Variants in CSMD1 observed in about 807,000 individuals in gnomAD.
CSMD1 encodes the protein CUB and sushi domain-containing protein 1.
In CSMD1, 213 loss-of-function variants were observed where a neutral mutation model predicts 417.5. The ratio of observed to expected loss-of-function variants is 0.51; its 90% CI spans 0.46 to 0.57. The LOEUF is 0.57. Ranked by LOEUF, CSMD1 falls within the 20% of genes least tolerant of loss-of-function variation. CSMD1 has a pLI of 0.00. For missense variants in CSMD1, 6,923 were observed against 4,529.7 expected (o/e 1.53, Z -15.17); for synonymous variants, 2,862 against 1,736.8 (o/e 1.65, Z -16.11).
chr8:3,256,066 A>C (rs533245464), intron 26 of CSMD1, among the ~76,000 whole-genome samples: 33 of 152,216 alleles, frequency 2.2e-4, no homozygotes, highest in African/African-American at 7.7e-4. Flanking sequence ...GGTGGCTCAC[A>C]CCTGTAATCC....
chr8:4,331,222 G>A (rs989099721), intron 3 of CSMD1, among the ~76,000 whole-genome samples: 2 of 152,096 alleles, frequency 1.3e-5, no homozygotes, highest in African/African-American at 2.4e-5. Flanking sequence ...CTGCCTCCCA[G>A]GTGAGTCCCT....
At chr8:3,223,913 A>C in intron 27 of CSMD1, 46 bp from the exon 28 acceptor site, 1 of 1,598,874 alleles carries the variant, frequency 6.3e-7, no homozygotes. Flanking sequence ...GACAGCGAAG[A>C]ACGCCTGCCA....
intron 2 of CSMD1, among the ~76,000 whole-genome samples, chr8:4,596,911 T>C (rs1800310864): frequency 1.3e-5 from 2 of 152,322 alleles, no homozygotes; most frequent in East Asian, 3.9e-4. Flanking sequence ...CAAGATCTGA[T>C]GGGTTTATCA....
chr8:3,754,112 C>T, intron 5 of CSMD1, 70 bp from the exon 6 acceptor site: 1 of 920,674 alleles, frequency 1.1e-6, no homozygotes, highest in Non-Finnish European at 1.7e-6. Flanking sequence ...ATCAAACCCG[C>T]TTTGAAATCC....
At chr8:4,059,960 T>C (rs1355319636) in intron 3 of CSMD1, among the ~76,000 whole-genome samples, 1 of 152,080 alleles carries the variant, frequency 6.6e-6, no homozygotes, top group Non-Finnish European at 1.5e-5. Flanking sequence ...AGCATCATCC[T>C]GATACCAAAG....
chr8:3,811,455 T>C (rs1285011432), intron 5 of CSMD1, among the ~76,000 whole-genome samples: 3 of 152,190 alleles, frequency 2.0e-5, no homozygotes, highest in African/African-American at 4.8e-5. Context: ...ATGGATTTTA[T>C]CTAGAATAGA....
intron 3 of CSMD1, among the ~76,000 whole-genome samples, chr8:4,112,843 G>C (rs1402218566): frequency 1.3e-5 from 2 of 152,104 alleles, no homozygotes; most frequent in Non-Finnish European, 2.9e-5. Context: ...ATTGCACTTT[G>C]CTGATATTGC....
At chr8:4,262,400 G>A (rs1421468352) in intron 3 of CSMD1, among the ~76,000 whole-genome samples, 1 of 152,186 alleles carries the variant, frequency 6.6e-6, no homozygotes, top group Non-Finnish European at 1.5e-5. Flanking sequence ...CCAGAATAAA[G>A]GCAGGTTTGT....
chr8:4,565,796 A>ATATG (rs1798579984), intron 2 of CSMD1, among the ~76,000 whole-genome samples: 1 of 67,130 alleles, frequency 1.5e-5, no homozygotes, highest in South Asian at 4.7e-4. Context: ...ATATATATAT[A>ATATG]TGTATACATA....
chr8:4,523,720 C>G (rs536511057), intron 2 of CSMD1, among the ~76,000 whole-genome samples: 1 of 152,268 alleles, frequency 6.6e-6, no homozygotes, highest in African/African-American at 2.4e-5. Context: ...CTGTTCACAC[C>G]TCATGGAGTT....
chr8:3,217,225 T>A (rs1440031096), intron 29 of CSMD1, among the ~76,000 whole-genome samples: 1 of 152,206 alleles, frequency 6.6e-6, no homozygotes, highest in African/African-American at 2.4e-5. Context: ...CCAGGCTGCA[T>A]GCAATGGCAT....
At chr8:4,435,295 G>A (rs1181869626) in intron 2 of CSMD1, among the ~76,000 whole-genome samples, 1 of 152,124 alleles carries the variant, frequency 6.6e-6, no homozygotes, top group Admixed American at 6.5e-5. Flanking sequence ...ACAAATGATT[G>A]TTCCACAGCC....
intron 3 of CSMD1, among the ~76,000 whole-genome samples, chr8:4,194,774 C>T (rs1799233449): frequency 6.6e-6 from 1 of 151,934 alleles, no homozygotes; most frequent in South Asian, 2.1e-4. Context: ...ACATATAAAA[C>T]ATTCACAACC....
At chr8:3,258,706 G>T (rs1306434163) in intron 26 of CSMD1, among the ~76,000 whole-genome samples, 1 of 152,152 alleles carries the variant, frequency 6.6e-6, no homozygotes, top group Non-Finnish European at 1.5e-5. Flanking sequence ...GCCCATCAGT[G>T]ATAGACTGGA....
At chr8:3,618,724 G>A (rs10107351) in intron 7 of CSMD1, among the ~76,000 whole-genome samples, 20,977 of 152,094 alleles carry the variant, frequency 0.14, 1,588 homozygotes, top group African/African-American at 0.17. Flanking sequence ...AAAAAAATCT[G>A]TAACAACCAA....
At chr8:3,544,826 A>G (rs190686476) in intron 10 of CSMD1, among the ~76,000 whole-genome samples, 2 of 152,260 alleles carry the variant, frequency 1.3e-5, no homozygotes, top group Admixed American at 1.3e-4. Flanking sequence ...GCAGGAGATG[A>G]CAAGACACGT....
At chr8:3,792,623 G>A (rs747171193) in intron 5 of CSMD1, among the ~76,000 whole-genome samples, 1 of 152,102 alleles carries the variant, frequency 6.6e-6, no homozygotes, top group South Asian at 2.1e-4. Flanking sequence ...GACAAATCAT[G>A]ACAGGCAGTA....
In CSMD1 at chr8:3,341,159, G is replaced by C. The variant is rs1004830057; in HGVS notation, c.3631+2135C>G. On this transcript the variant is annotated intron_variant, in intron 23 of 69. Transcript: ENST00000635120. The stretch of plus-strand genomic sequence containing the variant: ...ATCCATGTGGGGTCCAGGCAGGGCT[G>C]AGCCTCGCCCACTGACGCAAGCCTT... Among the ~76,000 whole-genome samples the C allele has an allele frequency of 2.6e-5, 4 of 152,230 alleles. No individual in the cohort carries two copies. The East Asian group carries it at 5.8e-4, about 22-fold the overall frequency.
chr8:4,592,403 T>G (rs1016317450), intron 2 of CSMD1, among the ~76,000 whole-genome samples: 1 of 152,114 alleles, frequency 6.6e-6, no homozygotes, highest in Non-Finnish European at 1.5e-5. Context: ...TTTGTTGTTT[T>G]TGAGGTGGAG....
Sources: allele counts gnomAD v4.1 joint callset (sites outside exome capture counted in the v4.1 genomes callset), GRCh38; gene constraint gnomAD v4.1.1; transcripts MANE v1.5; gene names NCBI Gene and HGNC (gene_info 2026-07-23, HGNC 2026-07-21).